Variants in CYP4X1 observed in about 807,000 individuals in gnomAD.
CYP4X1 encodes the protein cytochrome P450 family 4 subfamily X member 1, also known as cytochrome P450 4X1.
Under a neutral mutation model 57.9 loss-of-function variants are expected in CYP4X1, and 44 were observed. That is an observed-to-expected ratio of 0.76 (90% CI 0.60 to 0.98). CYP4X1 has a LOEUF of 0.98. Ranked by LOEUF, CYP4X1 falls within the 50% of genes least tolerant of loss-of-function variation. The pLI is 0.00. For synonymous variants in CYP4X1, 227 were observed against 228.6 expected (o/e 0.99, Z 0.06); for missense variants, 532 against 623.9 (o/e 0.85, Z 1.57).
Position 47,031,593 on chromosome 1 carries a change from T to C in CYP4X1, c.364+113T>C, listed in dbSNP as rs1644124254. 2.5e-6 allele frequency: 3 copies of C among 1,204,312 alleles called. No homozygotes were observed. In the Admixed American group the frequency reaches 5.5e-5, roughly 22 times the overall value. 74.6% of individuals were successfully genotyped at this position (1,204,312 alleles called of 1,614,324 possible). Reference sequence around the variant, plus strand: ...ATTCAAAAGCACAAAGAGTGCAAGGTAGAGCTATACTGAACGTTATCTAGG... The same window carrying C: ...ATTCAAAAGCACAAAGAGTGCAAGGCAGAGCTATACTGAACGTTATCTAGG... On this transcript the variant is annotated intron_variant, in intron 3 of 11. Transcript: ENST00000371901.
the CYP4X1 span, among the ~76,000 whole-genome samples, chr1:46,982,758 C>T: frequency 6.6e-6 from 1 of 152,202 alleles, no homozygotes; most frequent in Admixed American, 6.5e-5. Context: ...CAGCTGTGCT[C>T]CTTCTCAGTG....
the CYP4X1 span, among the ~76,000 whole-genome samples, chr1:46,981,124 T>A: frequency 6.6e-6 from 1 of 151,960 alleles, no homozygotes; most frequent in Admixed American, 6.6e-5. Context: ...AAGCCAAAAT[T>A]GACAAATGGG....
At chr1:46,961,621 TG>T in the CYP4X1 span, 42 of 1,288,444 alleles carry the variant, frequency 3.3e-5, no homozygotes, top group Non-Finnish European at 3.7e-5. Context: ...GTCCTATGCC[TG>T]GGCAGCTGAA....
At chr1:46,991,652 C>T in the CYP4X1 span, among the ~76,000 whole-genome samples, 25 of 152,326 alleles carry the variant, frequency 1.6e-4, no homozygotes, top group East Asian at 4.4e-3. Context: ...GCAGAGGACA[C>T]AGATGCGTTC....
At chr1:46,985,186 GA>G in the CYP4X1 span, among the ~76,000 whole-genome samples, 2 of 152,050 alleles carry the variant, frequency 1.3e-5, no homozygotes, top group South Asian at 4.2e-4. Context: ...GGGCATCTCT[GA>G]AAAAAAGGCA....
the CYP4X1 span, among the ~76,000 whole-genome samples, chr1:46,962,636 T>A: frequency 1.3e-5 from 2 of 152,240 alleles, no homozygotes; most frequent in African/African-American, 4.8e-5. Flanking sequence ...TAATTTCTGT[T>A]CTTCTACATT....
the CYP4X1 span, among the ~76,000 whole-genome samples, chr1:46,976,562 A>C: frequency 6.6e-6 from 1 of 152,170 alleles, no homozygotes; most frequent in Non-Finnish European, 1.5e-5. Flanking sequence ...TGCAGACTTA[A>C]ACATCCCTGT....
At position 47,039,370 on chromosome 1, in the gene CYP4X1, T is replaced by C; in HGVS notation, c.911T>C (p.Ile304Thr). The change falls in exon 8 of 12, where the codon ATT becomes ACT. Residue 304 changes from isoleucine to threonine, a missense_variant. Ile to Thr is a moderately conservative substitution (Grantham distance 89, BLOSUM62 -1). Coordinates refer to ENST00000371901, the MANE Select transcript of CYP4X1 (RefSeq NM_178033.2). ...KDESGSSFSDIDVHSEVSTFL... is the reference protein window; with the variant it reads ...KDESGSSFSDTDVHSEVSTFL... The stretch of plus-strand genomic sequence containing the variant: ...GAAAGTGGTAGCAGCTTCTCAGATA[T>C]TGATGTACACTCTGAAGTGAGCACA... 2 of 1,605,226 alleles carry C rather than the reference T, an allele frequency of 1.2e-6. No individual in the cohort carries two copies. The highest frequency in any genetic ancestry group is 1.3e-5 in the African/African-American group (1 of 74,370).
chr1:47,036,370 T>TTATATATATATATATATATATATA (rs58369367), intron 6 of CYP4X1, among the ~76,000 whole-genome samples, 199 bp downstream of exon 6: 3,673 of 128,840 alleles, frequency 0.029, 152 homozygotes, highest in Non-Finnish European at 0.035. Flanking sequence ...ATCAGAATTT[T>TTATATATATATATATATATATATA]TATATATATA....
chr1:47,036,387 C>CACATATATAT (rs1557606030), intron 6 of CYP4X1, among the ~76,000 whole-genome samples: 2 of 134,698 alleles, frequency 1.5e-5, no homozygotes, highest in Non-Finnish European at 3.2e-5. Flanking sequence ...TATATATATA[C>CACATATATAT]ACTATTTTTA....
At chr1:47,039,223 T>C in intron 7 of CYP4X1, 119 bp from the exon 8 acceptor site, 1 of 882,654 alleles carries the variant, frequency 1.1e-6, no homozygotes, top group Non-Finnish European at 1.7e-6. Context: ...TTGAACTGAA[T>C]TAAAATTTAA....
the CYP4X1 span, among the ~76,000 whole-genome samples, chr1:46,992,114 C>T: frequency 6.6e-6 from 1 of 152,264 alleles, no homozygotes; most frequent in East Asian, 1.9e-4. Context: ...CAAGATCAGC[C>T]TGGTCAACAT....
At chr1:47,049,855 A>T in intron 11 of CYP4X1, 145 bp from the exon 12 acceptor site, 1 of 883,060 alleles carries the variant, frequency 1.1e-6, no homozygotes, top group Non-Finnish European at 1.7e-6. Flanking sequence ...TGAACAATTT[A>T]AGTCTAAAGT....
At chr1:47,054,795 T>A (rs370040470), downstream of CYP4X1, among the ~76,000 whole-genome samples, 1 of 152,154 alleles carries the variant, frequency 6.6e-6, no homozygotes, top group South Asian at 2.1e-4. Context: ...GCTGAAGTTG[T>A]TTATCAGCTT....
chr1:47,008,755 G>C, the CYP4X1 span, among the ~76,000 whole-genome samples: 1 of 151,794 alleles, frequency 6.6e-6, no homozygotes, highest in African/African-American at 2.4e-5. Context: ...GAAACAAAAA[G>C]GCAGGGGTTG....
intron 1 of CYP4X1, among the ~76,000 whole-genome samples, chr1:47,026,613 G>A (rs1241932865): frequency 6.6e-6 from 1 of 152,148 alleles, no homozygotes; most frequent in Non-Finnish European, 1.5e-5. Context: ...CACTGAATCT[G>A]TAGATCAGTT....
At chr1:47,012,725 T>C in the CYP4X1 span, among the ~76,000 whole-genome samples, 5 of 152,174 alleles carry the variant, frequency 3.3e-5, no homozygotes, top group African/African-American at 1.2e-4. Flanking sequence ...ATTTGTGAAA[T>C]GAGGCTTATA....
At chr1:46,976,120 G>A in the CYP4X1 span, among the ~76,000 whole-genome samples, 1 of 152,116 alleles carries the variant, frequency 6.6e-6, no homozygotes, top group South Asian at 2.1e-4. Context: ...AGCCCATGGA[G>A]GGCAAGCCAA....
intron 2 of CYP4X1, among the ~76,000 whole-genome samples, chr1:47,030,763 C>T (rs1644116218): frequency 6.6e-6 from 1 of 152,148 alleles, no homozygotes; most frequent in African/African-American, 2.4e-5. Flanking sequence ...TCCAGTCTTC[C>T]CTGTGCATTG....
Sources: allele counts gnomAD v4.1 joint callset (sites outside exome capture counted in the v4.1 genomes callset), GRCh38; gene constraint gnomAD v4.1.1; transcripts MANE v1.5; gene names NCBI Gene and HGNC (gene_info 2026-07-23, HGNC 2026-07-21).